USP8: variants seen among roughly 807,000 people sequenced by gnomAD.
USP8 encodes the protein ubiquitin carboxyl-terminal hydrolase 8.
In USP8, 27 loss-of-function variants were observed where a neutral mutation model predicts 130.0. The observed-to-expected ratio is 0.21, with a 90% confidence interval of 0.15 to 0.29. USP8 has a LOEUF of 0.29. USP8 is among the 10% of genes least tolerant of loss of function. The pLI is 1.00. For synonymous variants in USP8, 392 were observed against 444.1 expected (o/e 0.88, Z 1.48); for missense variants, 1,029 against 1,312.2 (o/e 0.78, Z 3.33).
intron 8 of USP8, among the ~76,000 whole-genome samples, chr15:50,474,611 A>T (rs2051497782): frequency 6.6e-6 from 1 of 152,230 alleles, no homozygotes; most frequent in Non-Finnish European, 1.5e-5. Context: ...TGAAGAAAAG[A>T]TGGATTGAAA....
At position 50,495,976 on chromosome 15, in the gene USP8, A is replaced by G. The variant is rs964204216; in HGVS notation, c.2787A>G (p.Gln929=). 15 of 1,613,834 alleles carry G rather than the reference A, an allele frequency of 9.3e-6. No individual in the cohort carries two copies. Among genetic ancestry groups the G allele is most frequent in the Admixed American group, 1.7e-5 (1 of 59,994 alleles). Residue 929 remains glutamine, a synonymous_variant, in exon 17 of 20, where the codon CAA becomes CAG. Coordinates refer to ENST00000307179, the MANE Select transcript of USP8 (RefSeq NM_005154.5). The part of the protein sequence containing the change: ...ESIIVALFQG[Q]FKSTVQCLTC... ...TTATTGTTGCACTTTTTCAGGGTCA[A>G]TTCAAATCTACAGTACAGTGCCTCA...
chr15:50,467,827 G>A (rs937817964), intron 7 of USP8, among the ~76,000 whole-genome samples: 1 of 151,910 alleles, frequency 6.6e-6, no homozygotes, highest in East Asian at 1.9e-4. Flanking sequence ...AGAGTGCTGG[G>A]ATTATAGATG....
At chr15:50,493,084 T>G in intron 15 of USP8, 171 bp downstream of exon 15, 2 of 748,702 alleles carry the variant, frequency 2.7e-6, no homozygotes, top group South Asian at 2.9e-5. Context: ...GGCCATCGTC[T>G]AGGTGCCGGC....
At chr15:50,427,662 A>G (rs2049786530) in intron 1 of USP8, among the ~76,000 whole-genome samples, 1 of 144,166 alleles carries the variant, frequency 6.9e-6, no homozygotes, top group South Asian at 2.2e-4. Context: ...TCCTGGGTTT[A>G]AGCAATTCTG....
At chr15:50,485,711 T>C (rs1269445011) in intron 12 of USP8, among the ~76,000 whole-genome samples, 1 of 151,888 alleles carries the variant, frequency 6.6e-6, no homozygotes, top group African/African-American at 2.4e-5. Context: ...TCTGTCTCCA[T>C]AGATCTGCCT....
chr15:50,486,015 A>G (rs1324946306), intron 12 of USP8, among the ~76,000 whole-genome samples: 2 of 152,166 alleles, frequency 1.3e-5, no homozygotes, highest in Non-Finnish European at 2.9e-5. Flanking sequence ...CAATCTGTGG[A>G]TGGTTGAATT....
chr15:50,471,784 G>A lies in USP8; in HGVS notation c.838G>A (p.Ala280Thr), dbSNP rs2051385855. 1 of 1,613,562 alleles carries A rather than the reference G, an allele frequency of 6.2e-7. No homozygotes were observed. The highest frequency in any genetic ancestry group is 1.7e-5 in the Admixed American group (1 of 59,930). The change falls in exon 8 of 20, where the codon GCA becomes ACA. Residue 280 changes from alanine (A) to threonine (T), a missense_variant. Ala to Thr is a moderately conservative substitution (Grantham distance 58, BLOSUM62 0). Around this residue, in one of 4 missense-constraint regions of USP8, gnomAD observed 281 missense variants for 336.7 expected, o/e 0.83. Transcript: ENST00000307179. ...IGTTLRSLKD[A>T]LFKWESKTVL... Reference sequence around the variant, plus strand: ...AACAACTCTCCGGAGTCTGAAAGATGCACTTTTCAAGGTTTGCAAGTTTCA... The same window carrying A: ...AACAACTCTCCGGAGTCTGAAAGATACACTTTTCAAGGTTTGCAAGTTTCA...
Position 50,500,916 on chromosome 15 carries a change from A to C in USP8, c.*1828A>C, listed in dbSNP as rs1020422639. The C allele has an allele frequency of 3.4e-5, 41 of 1,188,582 alleles. No homozygotes were observed. The highest frequency in any genetic ancestry group is 2.2e-5 in the Non-Finnish European group (18 of 821,994). The allele number at this position is 1,188,582 out of a possible 1,614,324, so 73.6% of individuals were successfully genotyped here. ...GGAACAGAAATGATAGGGCCAAGAG[A>C]TGCTTTTTAAATTGTCCCTTATTCT... is the stretch of plus-strand genomic sequence containing the variant. On this transcript the variant is annotated 3_prime_UTR_variant, in exon 20 of 20. Transcript: ENST00000307179.
At chr15:50,465,274 A>G in intron 7 of USP8, 83 bp downstream of exon 7, 1 of 1,420,694 alleles carries the variant, frequency 7.0e-7, no homozygotes, top group South Asian at 1.5e-5. Context: ...CTTAGCATCC[A>G]AGCTAAATGT....
At chr15:50,429,560 C>G (rs892666108) in intron 1 of USP8, among the ~76,000 whole-genome samples, 1 of 151,962 alleles carries the variant, frequency 6.6e-6, no homozygotes, top group African/African-American at 2.4e-5. Flanking sequence ...GTGGGCAAGG[C>G]GAGGTTGGCT....
chr15:50,479,687 A>AT (rs1178434817), intron 10 of USP8, among the ~76,000 whole-genome samples: 15 of 151,500 alleles, frequency 9.9e-5, no homozygotes, highest in Admixed American at 2.0e-4. Context: ...AAGACAAAGG[A>AT]TTTTTTTTAA....
At chr15:50,479,517 A>C (rs553113035) in intron 10 of USP8, among the ~76,000 whole-genome samples, 2 of 152,336 alleles carry the variant, frequency 1.3e-5, no homozygotes, top group South Asian at 4.1e-4. Flanking sequence ...CTTGAGAGTA[A>C]CATGATCATA....
chr15:50,438,408 A>T (rs1210776117), intron 1 of USP8, among the ~76,000 whole-genome samples: 1 of 152,158 alleles, frequency 6.6e-6, no homozygotes, highest in African/African-American at 2.4e-5. Flanking sequence ...ATATGACGAA[A>T]CCCCGTATCT....
rs535077160 is a variant in USP8, at chr15:50,459,882, A to G, written c.498+720A>G. 2.6e-5 allele frequency among the ~76,000 whole-genome samples: 4 copies of G among 152,156 alleles called. No homozygotes were observed. The East Asian group carries it at 7.7e-4, about 29-fold the overall frequency. On this transcript the variant is annotated intron_variant, in intron 5 of 19. Transcript: ENST00000307179. The stretch of plus-strand genomic sequence containing the variant: ...CTTTCTAATCATGTAATTTACATTA[A>G]AAGATTTAGTATACTACTTTGTTTG...
intron 14 of USP8, among the ~76,000 whole-genome samples, chr15:50,491,995 G>A (rs2052188724): frequency 6.6e-6 from 1 of 152,064 alleles, no homozygotes; most frequent in South Asian, 2.1e-4. Context: ...CTGAGTAGCT[G>A]GGACTATAGA....
chr15:50,483,367 T>C (rs755609221), intron 11 of USP8, among the ~76,000 whole-genome samples: 7 of 152,242 alleles, frequency 4.6e-5, no homozygotes, highest in Non-Finnish European at 7.3e-5. Flanking sequence ...TTGCATTCTT[T>C]GTGTGCTCCT....
Position 50,498,967 on chromosome 15 carries a change from G to A in USP8, c.3236G>A (p.Arg1079Gln), listed in dbSNP as rs766802045. The change falls in exon 20 of 20, where the codon CGG becomes CAG. Residue 1079 changes from arginine to glutamine, a missense_variant. Physicochemically the swap from Arg to Gln is conservative, Grantham distance 43 (BLOSUM62 1). Around this residue, in one of 4 missense-constraint regions of USP8, gnomAD observed 257 missense variants for 429.8 expected, o/e 0.60. Coordinates refer to ENST00000307179, the MANE Select transcript of USP8 (RefSeq NM_005154.5). ...TAYCKNAARQ[R>Q]WFKFDDHEVS... is the part of the protein sequence containing the mutation. ...TATTGTAAAAATGCAGCAAGACAAC[G>A]GTGGTTTAAGTTTGATGATCATGAA... The A allele has an allele frequency of 2.2e-5, 35 of 1,613,706 alleles. No homozygotes were observed. Among genetic ancestry groups the A allele is most frequent in the African/African-American group, 8.0e-5 (6 of 74,888 alleles).
rs1446305382 is a variant in USP8, at chr15:50,477,422, G to A, written c.1141G>A (p.Val381Ile). 1 of 1,614,144 alleles carries A rather than the reference G, an allele frequency of 6.2e-7. No homozygotes were observed. The highest frequency in any genetic ancestry group is 1.7e-5 in the Admixed American group (1 of 60,010). ...GGGACCACTGAATATATCAACTCCA[G>A]TTGAACCAGTTGCTGCTTCTAAATC... is the stretch of plus-strand genomic sequence containing the variant. ...RMGPLNISTP[V>I]EPVAASKSDV... Residue 381 changes from valine (V) to isoleucine (I), a missense_variant, in exon 10 of 20, where the codon GTT becomes ATT. This residue lies in a region of USP8 where 486 missense variants were observed against 522.0 expected (regional missense o/e 0.93). Coordinates refer to ENST00000307179, the MANE Select transcript of USP8 (RefSeq NM_005154.5).
Position 50,441,508 on chromosome 15 carries a change from T to C in USP8, c.249+15T>C, listed in dbSNP as rs745419459. Reference sequence around the variant, plus strand: ...AGCAACAGCAGGTACCTTTTATTTTTGCATTGTTATTTCCTAAGTTATTTT... The same window carrying C: ...AGCAACAGCAGGTACCTTTTATTTTCGCATTGTTATTTCCTAAGTTATTTT... On this transcript the variant is annotated intron_variant, in intron 3 of 19. Coordinates refer to ENST00000307179, the MANE Select transcript of USP8 (RefSeq NM_005154.5). 1 of 1,541,964 alleles carries C rather than the reference T, an allele frequency of 6.5e-7. No individual in the cohort carries two copies. The highest frequency in any genetic ancestry group is 8.7e-7 in the Non-Finnish European group (1 of 1,152,948).
Sources: allele counts gnomAD v4.1 joint callset (sites outside exome capture counted in the v4.1 genomes callset), GRCh38; gene constraint gnomAD v4.1.1; regional missense constraint gnomAD v4.1.1; transcripts MANE v1.5; gene names NCBI Gene and HGNC (gene_info 2026-07-23, HGNC 2026-07-21).